Variants in TRPC4 observed in about 807,000 individuals in gnomAD.
TRPC4 encodes the protein short transient receptor potential channel 4.
In TRPC4, 49 loss-of-function variants were observed where a neutral mutation model predicts 99.4. The observed-to-expected ratio is 0.49, with a 90% confidence interval of 0.39 to 0.63. TRPC4 has a LOEUF of 0.63. Ranked by LOEUF, TRPC4 falls within the 20% of genes least tolerant of loss-of-function variation. The pLI, the probability that TRPC4 is intolerant of heterozygous loss-of-function variation, is 0.00. For synonymous variants in TRPC4, 454 were observed against 425.9 expected, an observed-to-expected ratio of 1.07 and a Z score of -0.81; for missense variants, 898 against 1,152.9, an observed-to-expected ratio of 0.78 and a Z score of 3.20.
chr13:37,676,789 G>C (rs1186069917), intron 4 of TRPC4, among the ~76,000 whole-genome samples: 2 of 108,422 alleles, frequency 1.8e-5, no homozygotes, highest in Admixed American at 1.8e-4. Context: ...ATCAAAATCT[G>C]AGACGATTTA....
At chr13:37,762,158 C>A (rs921360956) in intron 2 of TRPC4, among the ~76,000 whole-genome samples, 6 of 151,736 alleles carry the variant, frequency 4.0e-5, no homozygotes, top group African/African-American at 1.5e-4. Flanking sequence ...CTTCACTTTT[C>A]TTTTTCAAAA....
chr13:37,809,076 A>G (rs981199218), intron 1 of TRPC4, among the ~76,000 whole-genome samples: 1 of 152,116 alleles, frequency 6.6e-6, no homozygotes, highest in Non-Finnish European at 1.5e-5. Flanking sequence ...TAAATATAAT[A>G]GGAATCTTTG....
intron 1 of TRPC4, among the ~76,000 whole-genome samples, 170 bp from the exon 2 acceptor site, chr13:37,783,530 G>C (rs1428001170): frequency 1.3e-5 from 2 of 150,780 alleles, no homozygotes; most frequent in East Asian, 3.9e-4. Flanking sequence ...CTAAATAGTT[G>C]TTCAATTATG....
chr13:37,853,919 T>G lies in TRPC4; in HGVS notation c.-28+15676A>C, dbSNP rs139247639. On this transcript the variant is annotated intron_variant, in intron 1 of 10. Transcript: ENST00000379705. The stretch of plus-strand genomic sequence containing the variant: ...AAAATAATAAAAAAATGAAGTATGC[T>G]TATAAGATGTAAAAAATAGCCTCAA... Among the ~76,000 whole-genome samples the G allele has an allele frequency of 1.7e-3, 261 of 152,064 alleles. 1 individual carries two copies. The highest frequency in any genetic ancestry group is 3.4e-3 in the Middle Eastern group (1 of 294).
chr13:37,832,594 T>C (rs1049167197), intron 1 of TRPC4, among the ~76,000 whole-genome samples: 25 of 151,720 alleles, frequency 1.6e-4, no homozygotes, highest in African/African-American at 5.8e-4. Context: ...CCAAAACAAG[T>C]AAATAAAGAA....
chr13:37,812,186 A>AAAAAAAAAC (rs1957714172), intron 1 of TRPC4, among the ~76,000 whole-genome samples: 1 of 143,744 alleles, frequency 7.0e-6, no homozygotes, highest in Non-Finnish European at 1.5e-5. Flanking sequence ...CAAAAAAAAA[A>AAAAAAAAAC]AAAAAAAAAC....
intron 1 of TRPC4, among the ~76,000 whole-genome samples, chr13:37,807,973 TA>T (rs1957572458): frequency 6.6e-6 from 1 of 152,108 alleles, no homozygotes; most frequent in Admixed American, 6.6e-5. Context: ...CATTCCTAGT[TA>T]TGGACCTCTT....
At chr13:37,820,032 G>T (rs2139525567) in intron 1 of TRPC4, among the ~76,000 whole-genome samples, 1 of 151,642 alleles carries the variant, frequency 6.6e-6, no homozygotes, top group South Asian at 2.1e-4. Flanking sequence ...GAAAAAATAA[G>T]ATTGATAGAC....
At chr13:37,833,534 C>T (rs1377791199) in intron 1 of TRPC4, among the ~76,000 whole-genome samples, 1 of 152,190 alleles carries the variant, frequency 6.6e-6, no homozygotes, top group African/African-American at 2.4e-5. Context: ...TCCTCCTGCT[C>T]TGTCAAAGAG....
chr13:37,662,070 A>G (rs183677403), intron 6 of TRPC4, among the ~76,000 whole-genome samples: 2 of 152,174 alleles, frequency 1.3e-5, no homozygotes, highest in Non-Finnish European at 2.9e-5. Context: ...ACACTTTGGG[A>G]GGCTGTGGTG....
rs1292770116 is a variant in TRPC4, at chr13:37,745,481, C to T, written c.897+456G>A. ...ATATATATATATATATATACACACACACACACACTTATATATACGTATATA... is the reference window on the plus strand; with the variant it reads ...ATATATATATATATATATACACACATACACACACTTATATATACGTATATA... On this transcript the variant is annotated intron_variant, in intron 3 of 10. Coordinates refer to ENST00000379705, the MANE Select transcript of TRPC4 (RefSeq NM_016179.4). 6.3e-4 allele frequency among the ~76,000 whole-genome samples: 73 copies of T among 115,572 alleles called. 2 individuals are homozygous for T. The highest frequency in any genetic ancestry group is 1.6e-3 in the African/African-American group (47 of 28,954). The allele number at this position is 115,572 out of a possible 152,430, so 75.8% of individuals were successfully genotyped here.
chr13:37,836,239 A>G (rs1490294421), intron 1 of TRPC4, among the ~76,000 whole-genome samples: 4 of 152,172 alleles, frequency 2.6e-5, no homozygotes, highest in Admixed American at 1.3e-4. Context: ...GTATATTTTT[A>G]TCAGCAGCAT....
chr13:37,770,246 G>GGGGGGCC (rs1470174493), intron 2 of TRPC4, among the ~76,000 whole-genome samples: 1 of 151,394 alleles, frequency 6.6e-6, no homozygotes, highest in Non-Finnish European at 1.5e-5. Context: ...GTAGTCCTTG[G>GGGGGGCC]TAAATTTCCT....
intron 3 of TRPC4, among the ~76,000 whole-genome samples, chr13:37,729,921 G>A (rs536969410): frequency 5.3e-5 from 8 of 152,048 alleles, no homozygotes; most frequent in South Asian, 2.1e-4. Flanking sequence ...ATGGTTGCAC[G>A]GTATGAATGC....
chr13:37,827,666 T>C (rs992363597), intron 1 of TRPC4, among the ~76,000 whole-genome samples: 8 of 152,172 alleles, frequency 5.3e-5, no homozygotes, highest in Non-Finnish European at 5.9e-5. Flanking sequence ...GAACCACTGC[T>C]CTCTTCAAAG....
intron 1 of TRPC4, among the ~76,000 whole-genome samples, chr13:37,862,392 C>T (rs1408613178): frequency 6.6e-6 from 1 of 151,554 alleles, no homozygotes; most frequent in East Asian, 1.9e-4. Flanking sequence ...AAGGAAAACA[C>T]TGTTTTTAAT....
chr13:37,823,276 T>C (rs1235122818), intron 1 of TRPC4, among the ~76,000 whole-genome samples: 1 of 151,358 alleles, frequency 6.6e-6, no homozygotes, highest in Non-Finnish European at 1.5e-5. Flanking sequence ...TTTAGTTTAA[T>C]TAGATCCCAT....
chr13:37,815,651 A>G (rs1957830034), intron 1 of TRPC4, among the ~76,000 whole-genome samples: 1 of 151,862 alleles, frequency 6.6e-6, no homozygotes, highest in African/African-American at 2.4e-5. Flanking sequence ...GACTTAGATA[A>G]CCACGCAATA....
intron 5 of TRPC4, among the ~76,000 whole-genome samples, chr13:37,665,831 C>A (rs1165315327): frequency 1.6e-5 from 2 of 127,012 alleles, no homozygotes; most frequent in African/African-American, 3.1e-5. Flanking sequence ...TAAATTATCT[C>A]AGCTGAGACA....
Sources: gnomAD v4.1 joint callset for allele counts (sites outside exome capture counted in the v4.1 genomes callset) on GRCh38, gnomAD v4.1.1 for gene constraint, MANE v1.5 for transcripts, NCBI Gene and HGNC (gene_info 2026-07-23, HGNC 2026-07-21) for gene names.